The following CACNA1B variants were observed in gnomAD, a reference collection of about 807,000 sequenced individuals.
CACNA1B encodes voltage-dependent N-type calcium channel subunit alpha-1B.
Under a neutral mutation model 247.2 loss-of-function variants are expected in CACNA1B, and 70 were observed. The ratio of observed to expected loss-of-function variants is 0.28; its 90% confidence interval spans 0.23 to 0.35. CACNA1B has a LOEUF of 0.35. CACNA1B is among the 10% of genes least tolerant of loss of function. The pLI, the probability that CACNA1B is intolerant of heterozygous loss-of-function variation, is 1.00. For missense variants in CACNA1B, 2,367 were observed against 3,197.4 expected, an observed-to-expected ratio of 0.74 and a Z score of 6.26; for synonymous variants, 1,231 against 1,294.4, an observed-to-expected ratio of 0.95 and a Z score of 1.05.
chr9:138,000,247 CG>C (rs1564230077), intron 15 of CACNA1B, among the ~76,000 whole-genome samples: 1 of 151,838 alleles, frequency 6.6e-6, no homozygotes, highest in Non-Finnish European at 1.5e-5. Flanking sequence ...TACAGGCGCC[CG>C]CCACTACGCC....
At chr9:138,004,321 G>A (rs900235190) in intron 15 of CACNA1B, among the ~76,000 whole-genome samples, 2 of 152,164 alleles carry the variant, frequency 1.3e-5, no homozygotes, top group Non-Finnish European at 1.5e-5. Context: ...CTGAGGGGGG[G>A]CTGATTGCTT....
rs1366566396 is a variant in CACNA1B, at chr9:138,058,463, T to C, written c.4309-106T>C. On this transcript the variant is annotated intron_variant, in intron 28 of 46. Coordinates refer to ENST00000371372, the MANE Select transcript of CACNA1B (RefSeq NM_000718.4). The surrounding 1 kb of genome is among the most constrained non-coding windows in gnomAD (Gnocchi z 4.7). ...CTGGGCTGCTTCAATTTGTCTTCTG[T>C]TGTCAGGGCTCCCTGTGAGGCCTGG... The C allele has an allele frequency of 3.6e-6, 4 of 1,096,436 alleles. No individual in the cohort carries two copies. The highest frequency in any genetic ancestry group is 2.5e-5 in the East Asian group (1 of 40,730). The allele number at this position is 1,096,436 out of a possible 1,614,324, so 67.9% of individuals were successfully genotyped here.
chr9:138,006,191 G>C (rs1451380451), intron 15 of CACNA1B, among the ~76,000 whole-genome samples: 2 of 152,142 alleles, frequency 1.3e-5, no homozygotes, highest in Non-Finnish European at 2.9e-5. Context: ...TTTCCATTTT[G>C]GGTGGGGGAC....
intron 6 of CACNA1B, among the ~76,000 whole-genome samples, chr9:137,935,286 A>G (rs1173212138): frequency 6.6e-6 from 1 of 151,870 alleles, no homozygotes; most frequent in Non-Finnish European, 1.5e-5. Flanking sequence ...CCGGCGTGTG[A>G]TGTTCCCTGC....
chr9:138,102,618 C>CTTTTCT lies in CACNA1B; in HGVS notation c.5223-93_5223-92insTTTTCT. On this transcript the variant is annotated intron_variant, in intron 37 of 46. Transcript: ENST00000371372. The surrounding 1 kb of genome is among the most constrained non-coding windows in gnomAD (Gnocchi z 5.4). ...GTTTTCTTGTCTGCTTCCTCCCTGC[C>CTTTTCT]CCTACCCCGCTCCCCTCCCCGCTCC... is the stretch of plus-strand genomic sequence containing the variant. 1.7e-6 allele frequency: 1 copy of CTTTTCT among 596,346 alleles called. No individual in the cohort carries two copies. Among genetic ancestry groups the CTTTTCT allele is most frequent in the Non-Finnish European group, 3.0e-6 (1 of 330,882 alleles). The allele number at this position is 596,346 out of a possible 1,614,324, so 36.9% of individuals were successfully genotyped here.
rs1589141786 is a variant in CACNA1B, at chr9:138,121,599, A to G, written c.6620A>G (p.Asn2207Ser). 3 of 1,609,582 alleles carry G rather than the reference A, an allele frequency of 1.9e-6. No individual in the cohort carries two copies. Among genetic ancestry groups the G allele is most frequent in the Middle Eastern group, 1.7e-4 (1 of 6,050 alleles). Reference sequence around the variant, plus strand: ...CCCAGCATCACCTACAAGACGGCCAACTCCTCACCCATCCACTTCGCCGGG... The same window carrying G: ...CCCAGCATCACCTACAAGACGGCCAGCTCCTCACCCATCCACTTCGCCGGG... ...PRPSITYKTA[N>S]SSPIHFAGAQ... Residue 2207 changes from asparagine (N) to serine (S), a missense_variant, in exon 47 of 47, where the codon AAC (asparagine) becomes AGC (serine). By Grantham distance (46) the Asn-to-Ser change is conservative. Transcript: ENST00000371372. The surrounding 1 kb of genome is among the most constrained non-coding windows in gnomAD (Gnocchi z 6.8).
rs1204078824 is a variant in CACNA1B, at chr9:138,011,617, C to G, written c.2161-1512C>G. On this transcript the variant is annotated intron_variant, in intron 17 of 46. Coordinates refer to ENST00000371372, the MANE Select transcript of CACNA1B (RefSeq NM_000718.4). The surrounding 1 kb of genome is among the most constrained non-coding windows in gnomAD (Gnocchi z 4.2). ...CTTCCAGGGGACTTTAGAACACTCC[C>G]TGGAGTGACTGGCAAAGTCCCTGCC... Among the ~76,000 whole-genome samples the G allele has an allele frequency of 6.6e-6, 1 of 152,164 alleles. No individual in the cohort carries two copies. Among genetic ancestry groups the G allele is most frequent in the African/African-American group, 2.4e-5 (1 of 41,444 alleles).
intron 3 of CACNA1B, among the ~76,000 whole-genome samples, chr9:137,910,719 A>G (rs1416963340): frequency 2.0e-5 from 3 of 152,106 alleles, no homozygotes; most frequent in South Asian, 2.1e-4. Context: ...ATGAGAATCT[A>G]ATACCACCGC....
intron 35 of CACNA1B, among the ~76,000 whole-genome samples, chr9:138,077,196 G>A (rs1420127610): frequency 6.6e-6 from 1 of 152,220 alleles, no homozygotes; most frequent in African/African-American, 2.4e-5. Flanking sequence ...CATCAGTGAG[G>A]AGTGGGCCCA....
In CACNA1B at chr9:138,102,589, CT is replaced by C; in HGVS notation, c.5223-121del. The C allele has an allele frequency of 1.9e-6, 1 of 538,758 alleles. No homozygotes were observed. The highest frequency in any genetic ancestry group is 3.3e-6 in the Non-Finnish European group (1 of 302,692). The allele number at this position is 538,758 out of a possible 1,614,324, so 33.4% of individuals were successfully genotyped here. A position where few individuals can be genotyped will look rare whatever the true frequency, so the allele number is the denominator to read the frequency against. On this transcript the variant is annotated intron_variant, in intron 37 of 46. Transcript: ENST00000371372. This position sits in a 1 kb window ranked among gnomAD's most constrained non-coding sequence, Gnocchi z 5.4. ...TGAATCCGACACTTTGATTAACTGGCTCTGTTTTCTTGTCTGCTTCCTCCCT... is the reference window on the plus strand; with the variant it reads ...TGAATCCGACACTTTGATTAACTGGCCTGTTTTCTTGTCTGCTTCCTCCCT...
chr9:137,948,649 TGTGTTTGTGGTGTGTGTTGTGTCTG>T (rs1957826186), intron 6 of CACNA1B, among the ~76,000 whole-genome samples: 1 of 151,416 alleles, frequency 6.6e-6, no homozygotes, highest in Non-Finnish European at 1.5e-5. Context: ...AGGTATTTGG[TGTGTTTGTGGTGTGTGTTGTGTCTG>T]GTGTGTGTGG....
chr9:137,935,653 G>C (rs1358250104), intron 6 of CACNA1B, among the ~76,000 whole-genome samples: 1 of 152,156 alleles, frequency 6.6e-6, no homozygotes, highest in Non-Finnish European at 1.5e-5. Flanking sequence ...GGTATTTCTA[G>C]TTCTAGATCC....
At chr9:137,949,033 G>A (rs940388958) in intron 6 of CACNA1B, among the ~76,000 whole-genome samples, 16 of 142,870 alleles carry the variant, frequency 1.1e-4, no homozygotes, top group South Asian at 2.4e-4. Context: ...TGGTGTATAC[G>A]TGTGTGGTGT....
At chr9:138,110,183 C>G (rs1259801913) in intron 39 of CACNA1B, among the ~76,000 whole-genome samples, 1 of 151,998 alleles carries the variant, frequency 6.6e-6, no homozygotes, top group Non-Finnish European at 1.5e-5. Flanking sequence ...GGTGCAATCT[C>G]AGCTCACTGC....
At chr9:137,896,063 C>T (rs2133251445) in intron 3 of CACNA1B, among the ~76,000 whole-genome samples, 1 of 152,142 alleles carries the variant, frequency 6.6e-6, no homozygotes, top group East Asian at 1.9e-4. Context: ...CACGGTGAAA[C>T]CCTGTCTCTA....
At chr9:138,075,070 C>G (rs1222698421) in intron 34 of CACNA1B, among the ~76,000 whole-genome samples, 1 of 152,202 alleles carries the variant, frequency 6.6e-6, no homozygotes, top group East Asian at 1.9e-4. Context: ...CATCTGACCA[C>G]TTTTCCAACA....
At chr9:137,949,754 G>C (rs1445332116) in intron 6 of CACNA1B, among the ~76,000 whole-genome samples, 2 of 152,104 alleles carry the variant, frequency 1.3e-5, no homozygotes, top group East Asian at 3.8e-4. Context: ...GGTCTTGAAT[G>C]TGGGTTGAAT....
At chr9:138,116,806 CCCT>C (rs1156935925) in intron 42 of CACNA1B, among the ~76,000 whole-genome samples, 1 of 152,156 alleles carries the variant, frequency 6.6e-6, no homozygotes, top group African/African-American at 2.4e-5. Flanking sequence ...TCCTAACCAC[CCCT>C]CCTCTCAGCA....
intron 15 of CACNA1B, among the ~76,000 whole-genome samples, chr9:137,998,818 G>T (rs1958530220): frequency 6.6e-6 from 1 of 152,176 alleles, no homozygotes; most frequent in South Asian, 2.1e-4. Flanking sequence ...TCTTATAAGA[G>T]ATTTATAACA....
Sources: allele counts gnomAD v4.1 joint callset (sites outside exome capture counted in the v4.1 genomes callset), GRCh38; gene constraint gnomAD v4.1.1; non-coding constraint Gnocchi (gnomAD v3.1); transcripts MANE v1.5; gene names NCBI Gene and HGNC (gene_info 2026-07-23, HGNC 2026-07-21).